The following EPHB4 variants were observed in gnomAD, a reference collection of about 807,000 sequenced individuals.
EPHB4 encodes ephrin type-B receptor 4.
EPHB4 carries 50 observed loss-of-function variants against 110.6 expected under a neutral mutation model. The observed-to-expected ratio is 0.45, with a 90% CI of 0.36 to 0.57. The LOEUF is 0.57. Ranked by LOEUF, EPHB4 falls within the 20% of genes least tolerant of loss-of-function variation. The pLI is 0.00. For missense variants in EPHB4, 1,128 were observed against 1,382.1 expected (o/e 0.82, Z 2.91); for synonymous variants, 592 against 578.4 (o/e 1.02, Z -0.34).
At chr7:100,816,715 T>C (rs1347174625) in intron 8 of EPHB4, among the ~76,000 whole-genome samples, 1 of 151,636 alleles carries the variant, frequency 6.6e-6, no homozygotes, top group Admixed American at 6.6e-5. Flanking sequence ...AACTCAGCTG[T>C]TGGTTTTGGT....
intron 3 of EPHB4, among the ~76,000 whole-genome samples, chr7:100,823,012 G>A (rs768504321): frequency 2.0e-5 from 3 of 152,326 alleles, no homozygotes; most frequent in East Asian, 3.9e-4. Context: ...GAGGCCGGGC[G>A]TAGTGCCTCA....
rs968248232 is a variant in EPHB4 at position 100,813,918 on chromosome 7, C to T, written c.1691+1G>A. On this transcript the variant is annotated splice_donor_variant, in intron 9 of 16. Transcript: ENST00000358173. LOFTEE classifies it high-confidence loss of function. Reference sequence around the variant, plus strand: ...GGGCCTCTGGGTGTCAGAGCCCTTACCTGAGGCAGAGAACTGCGACCACAA... The same window carrying T: ...GGGCCTCTGGGTGTCAGAGCCCTTATCTGAGGCAGAGAACTGCGACCACAA... The T allele has an allele frequency of 6.2e-7, 1 of 1,613,950 alleles. No homozygotes were observed. Among genetic ancestry groups the T allele is most frequent in the African/African-American group, 1.3e-5 (1 of 74,932 alleles).
In EPHB4 at chr7:100,822,020, C is replaced by T. The variant is rs1025426515; in HGVS notation, c.808+251G>A. Among the ~76,000 whole-genome samples, 3 of 152,078 alleles carry T rather than the reference C, an allele frequency of 2.0e-5. No individual in the cohort carries two copies. Among genetic ancestry groups the T allele is most frequent in the Non-Finnish European group, 4.4e-5 (3 of 68,006 alleles). ...TACTAAAATACAAAAATTAGCCGGGCGTGGTGGCGTGTGCCTGTAGTCCCA... is the reference window on the plus strand; with the variant it reads ...TACTAAAATACAAAAATTAGCCGGGTGTGGTGGCGTGTGCCTGTAGTCCCA... On this transcript the variant is annotated intron_variant, in intron 4 of 16. Transcript: ENST00000358173. The surrounding 1 kb of genome is among the most constrained non-coding windows in gnomAD (Gnocchi z 4.7).
intron 8 of EPHB4, among the ~76,000 whole-genome samples, chr7:100,816,754 G>A (rs1204329483): frequency 6.6e-6 from 1 of 152,092 alleles, no homozygotes; most frequent in Non-Finnish European, 1.5e-5. Context: ...CTCCTCTCTA[G>A]GGCATGCCAT....
intron 12 of EPHB4, among the ~76,000 whole-genome samples, chr7:100,812,028 C>T (rs1255182921): frequency 6.6e-6 from 1 of 151,960 alleles, no homozygotes; most frequent in Non-Finnish European, 1.5e-5. Context: ...CAAAATTAGT[C>T]AAGCGTGGTG....
At chr7:100,820,828 A>T (rs1296516550) in intron 4 of EPHB4, among the ~76,000 whole-genome samples, 1 of 152,166 alleles carries the variant, frequency 6.6e-6, no homozygotes, top group Non-Finnish European at 1.5e-5. Context: ...ACCATGAGCA[A>T]AAACAATCTT....
intron 1 of EPHB4, chr7:100,825,504 C>G (rs539166594): frequency 6.6e-6 from 1 of 152,348 alleles, no homozygotes; most frequent in South Asian, 2.1e-4. Context: ...GCTGCAGCCA[C>G]GCTTTGATCT....
chr7:100,811,292 A>G (rs1338974350), intron 12 of EPHB4, among the ~76,000 whole-genome samples: 6 of 151,720 alleles, frequency 4.0e-5, no homozygotes, highest in Non-Finnish European at 1.5e-5. Context: ...AAAAAAAAAA[A>G]AGTCAGTAAA....
In EPHB4 at chr7:100,813,985, G is replaced by A. The variant is rs201096509; in HGVS notation, c.1625C>T (p.Ala542Val). ...GACCACACCCACGACTGCCGTGCCCGCAATCAGGGCCAGCTGCTCCCGCCA... is the reference window on the plus strand; with the variant it reads ...GACCACACCCACGACTGCCGTGCCCACAATCAGGGCCAGCTGCTCCCGCCA... ...EGWREQLALI[A>V]GTAVVGVVLV... The change falls in exon 9 of 17, where the codon GCG becomes GTG. Residue 542 changes from alanine to valine, a missense_variant. Ala to Val is a moderately conservative substitution (Grantham distance 64, BLOSUM62 0). Transcript: ENST00000358173. 75 of 1,613,998 alleles carry A rather than the reference G, an allele frequency of 4.6e-5. No individual in the cohort carries two copies. Among genetic ancestry groups the A allele is most frequent in the Non-Finnish European group, 6.0e-5 (71 of 1,180,040 alleles).
At chr7:100,823,531 C>A in intron 3 of EPHB4, 113 bp downstream of exon 3, 2 of 1,378,304 alleles carry the variant, frequency 1.5e-6, no homozygotes, top group South Asian at 2.7e-5. Context: ...TGCTTCCAGC[C>A]CCCAGCGCGC....
rs1813095388 is a variant in EPHB4 at position 100,817,180 on chromosome 7, C to G, written c.1588+12G>C. 1 of 1,522,768 alleles carries G rather than the reference C, an allele frequency of 6.6e-7. No individual in the cohort carries two copies. Among genetic ancestry groups the G allele is most frequent in the Non-Finnish European group, 8.8e-7 (1 of 1,136,822 alleles). The allele number at this position is 1,522,768 out of a possible 1,614,324, so 94.3% of individuals were successfully genotyped here. A position where few individuals can be genotyped will look rare whatever the true frequency, so the allele number is the denominator to read the frequency against. ...TTCCAACCCCCACCCTCACCCCCTT[C>G]CCCAGGCTCACCATCCAGTTGGGTC... On this transcript the variant is annotated intron_variant, in intron 8 of 16. Coordinates refer to ENST00000358173, the MANE Select transcript of EPHB4 (RefSeq NM_004444.5).
intron 3 of EPHB4, 106 bp downstream of exon 3, chr7:100,823,538 G>GCGCGGGCCAGAGGCCT (rs1174066423): frequency 7.1e-7 from 1 of 1,405,956 alleles, no homozygotes; most frequent in African/African-American, 1.4e-5. Context: ...AGCCCCCAGC[G>GCGCGGGCCAGAGGCCT]CGCGGGCCAG....
intron 1 of EPHB4, among the ~76,000 whole-genome samples, chr7:100,826,538 C>T (rs189432165): frequency 2.6e-4 from 39 of 152,174 alleles, no homozygotes; most frequent in African/African-American, 4.8e-4. Context: ...AAGGAATTGG[C>T]GCTGGGGGTC....
intron 7 of EPHB4, among the ~76,000 whole-genome samples, chr7:100,817,868 T>TG (rs1813119326): frequency 7.8e-6 from 1 of 128,422 alleles, no homozygotes; most frequent in Non-Finnish European, 1.6e-5. Flanking sequence ...CGTTTTTTTT[T>TG]TTTTTTTTTT....
intron 7 of EPHB4, among the ~76,000 whole-genome samples, 171 bp from the exon 8 acceptor site, chr7:100,817,528 C>T (rs1813106823): frequency 1.3e-5 from 2 of 151,928 alleles, no homozygotes; most frequent in Admixed American, 1.3e-4. Context: ...AATATCATTC[C>T]TTTTTTTTAA....
At chr7:100,824,005 A>T in intron 2 of EPHB4, 74 bp from the exon 3 acceptor site, 2 of 1,514,326 alleles carry the variant, frequency 1.3e-6, no homozygotes, top group South Asian at 2.5e-5. Context: ...GAATCCTATA[A>T]AGTGAGAGGG....
chr7:100,810,527 A>G (rs915575948), intron 12 of EPHB4, among the ~76,000 whole-genome samples: 1 of 151,966 alleles, frequency 6.6e-6, no homozygotes, highest in Non-Finnish European at 1.5e-5. Flanking sequence ...GGATCGCTTG[A>G]GTCCAGGAGT....
chr7:100,818,447 T>C, intron 7 of EPHB4, 73 bp downstream of exon 7: 2 of 1,573,086 alleles, frequency 1.3e-6, no homozygotes, highest in South Asian at 1.2e-5. Flanking sequence ...GCCAGGTGCC[T>C]GCAACCCAGG....
chr7:100,806,677 C>G, intron 13 of EPHB4, 108 bp from the exon 14 acceptor site: 1 of 1,342,286 alleles, frequency 7.4e-7, no homozygotes, highest in African/African-American at 1.5e-5. Context: ...CCCCCTAGCT[C>G]AGGCCCCAAG....
Sources: allele counts gnomAD v4.1 joint callset (sites outside exome capture counted in the v4.1 genomes callset), GRCh38; gene constraint gnomAD v4.1.1; non-coding constraint Gnocchi (gnomAD v3.1); transcripts MANE v1.5; gene names NCBI Gene and HGNC (gene_info 2026-07-23, HGNC 2026-07-21).